The following NEK9 variants were observed in gnomAD, a reference collection of about 807,000 sequenced individuals.
NEK9 encodes NIMA related kinase 9, also known as serine/threonine-protein kinase Nek9.
A neutral mutation model predicts 123.4 loss-of-function variants in NEK9; 75 were observed. That is an observed-to-expected ratio of 0.61 (90% CI 0.50 to 0.74). The LOEUF (loss-of-function observed/expected upper bound fraction) is 0.74. NEK9 is among the 30% of genes least tolerant of loss of function. The pLI is 0.00. For synonymous variants in NEK9, 438 were observed against 458.7 expected (o/e 0.95, Z 0.58); for missense variants, 952 against 1,214.4 (o/e 0.78, Z 3.21).
chr14:75,088,442 T>TG (rs1894095241), intron 20 of NEK9, 38 bp downstream of exon 20: 3 of 1,602,140 alleles, frequency 1.9e-6, no homozygotes, highest in Non-Finnish European at 2.6e-6. Context: ...CAGTGACTGT[T>TG]TACCTAGTTG....
chr14:75,112,890 T>C (rs1895003080), intron 8 of NEK9, among the ~76,000 whole-genome samples: 1 of 152,204 alleles, frequency 6.6e-6, no homozygotes, highest in African/African-American at 2.4e-5. Flanking sequence ...AGGCACCCTA[T>C]GCCAGGCCCT....
rs1431370741 is a variant in NEK9 at position 75,088,700 on chromosome 14, T to C, written c.2443-59A>G. On this transcript the variant is annotated intron_variant, in intron 19 of 21. Transcript: ENST00000238616. ...TTGCAGTATTTGCTTCCTCCCAAAT[T>C]CCCTTCTTTTTGCTATAGTTTTCCC... The C allele has an allele frequency of 2.0e-6, 3 of 1,524,314 alleles. No homozygotes were observed. In the African/African-American group the frequency reaches 4.1e-5, roughly 21 times the overall value. 94.4% of individuals were successfully genotyped at this position (1,524,314 alleles called of 1,614,324 possible).
intron 16 of NEK9, among the ~76,000 whole-genome samples, chr14:75,099,493 A>G (rs1011642179): frequency 8.5e-5 from 13 of 152,236 alleles, no homozygotes; most frequent in African/African-American, 2.9e-4. Flanking sequence ...TACAGAAGAG[A>G]AGGAGTGACC....
At chr14:75,101,865 C>T in intron 14 of NEK9, 100 bp from the exon 15 acceptor site, 2 of 768,822 alleles carry the variant, frequency 2.6e-6, no homozygotes, top group Non-Finnish European at 4.5e-6. Context: ...AAAGGCCTTT[C>T]AAGTAAGTTA....
rs202025905 is a variant in NEK9 at position 75,101,064 on chromosome 14, C to G, written c.1930G>C (p.Gly644Arg). The G allele has an allele frequency of 9.4e-5, 151 of 1,614,138 alleles. 1 individual carries two copies. Among genetic ancestry groups the G allele is most frequent in the Non-Finnish European group, 1.2e-4 (137 of 1,180,052 alleles). The part of the protein sequence containing the change: ...YKKRLGINLL[G>R]GPLGGKQVIR... ...ACTTGCTTCCCACCAAGGGGTCCCC[C>G]CAACAGGTTGATTCCCAGACGCTTC... Residue 644 changes from glycine to arginine, a missense_variant, in exon 16 of 22, where the codon GGG becomes CGG. Transcript: ENST00000238616.
In NEK9 at chr14:75,124,298, C is replaced by T. The variant is rs574538851; in HGVS notation, c.220-75G>A. 12 of 1,416,130 alleles carry T rather than the reference C, an allele frequency of 8.5e-6. No homozygotes were observed. The African/African-American group carries it at 9.9e-5, about 12-fold the overall frequency. 87.7% of individuals were successfully genotyped at this position (1,416,130 alleles called of 1,614,324 possible). On this transcript the variant is annotated intron_variant, in intron 1 of 21. Transcript: ENST00000238616. ...ATGAATCCACACCTAGATCTGTAAG[C>T]CTAGAAGGAAAACTTCCTAGAGGGG...
In NEK9 at chr14:75,122,785, C is replaced by T. The variant is rs1471943251; in HGVS notation, c.397+1261G>A. Among the ~76,000 whole-genome samples the T allele has an allele frequency of 2.7e-5, 4 of 146,108 alleles. No homozygotes were observed. The South Asian group carries it at 8.7e-4, about 32-fold the overall frequency. On this transcript the variant is annotated intron_variant, in intron 2 of 21. Coordinates refer to ENST00000238616, the MANE Select transcript of NEK9 (RefSeq NM_033116.6). ...GGATTACAGGCGTGAGCCACCACGC[C>T]CAGCTTTTTTTTTTTTTTTTTTTTT...
In NEK9 at chr14:75,118,179, T is replaced by C. The variant is rs547998980; in HGVS notation, c.630+651A>G. On this transcript the variant is annotated intron_variant, in intron 5 of 21. Coordinates refer to ENST00000238616, the MANE Select transcript of NEK9 (RefSeq NM_033116.6). ...AGACTCCAAACCCTAAACATCTAAA[T>C]TGCTTGCAGGCAAACCTTGACATTA... Among the ~76,000 whole-genome samples the C allele has an allele frequency of 2.0e-5, 3 of 152,280 alleles. No individual in the cohort carries two copies. In the South Asian group the frequency reaches 6.2e-4, roughly 32 times the overall value.
At chr14:75,112,332 G>C (rs1894984096) in intron 8 of NEK9, among the ~76,000 whole-genome samples, 1 of 152,234 alleles carries the variant, frequency 6.6e-6, no homozygotes, top group Non-Finnish European at 1.5e-5. Flanking sequence ...GAAGATAAAT[G>C]TTTTAAATTA....
At chr14:75,125,723 C>T (rs1331341550) in intron 1 of NEK9, among the ~76,000 whole-genome samples, 3 of 152,198 alleles carry the variant, frequency 2.0e-5, no homozygotes, top group Non-Finnish European at 4.4e-5. Context: ...TAAAAATATT[C>T]TCTTGCAACC....
chr14:75,122,789 C>CA (rs1555354286), intron 2 of NEK9, among the ~76,000 whole-genome samples: 1 of 80,106 alleles, frequency 1.2e-5, no homozygotes, highest in Non-Finnish European at 2.3e-5. Flanking sequence ...CCACGCCCAG[C>CA]TTTTTTTTTT....
chr14:75,118,861 T>G lies in NEK9; in HGVS notation c.599A>C (p.Lys200Thr). The change falls in exon 5 of 22, where the codon AAA becomes ACA. Residue 200 changes from lysine (K) to threonine (T), a missense_variant. By Grantham distance (78) the Lys-to-Thr change is moderately conservative. Transcript: ENST00000238616. ...AGCCATGGAATACTCAGAATTAAGT[T>G]TCTTTGCTAGGCCATAATCTCCAAG... is the stretch of plus-strand genomic sequence containing the variant. ...IKLGDYGLAK[K>T]LNSEYSMAET... The G allele has an allele frequency of 1.2e-6, 2 of 1,610,042 alleles. No individual in the cohort carries two copies. The highest frequency in any genetic ancestry group is 8.5e-7 in the Non-Finnish European group (1 of 1,176,432).
intron 11 of NEK9, among the ~76,000 whole-genome samples, chr14:75,107,118 T>A (rs1325575011): frequency 6.6e-6 from 1 of 152,070 alleles, no homozygotes; most frequent in Middle Eastern, 3.2e-3. Flanking sequence ...ACACATTTTC[T>A]CCTGATCCCA....
At chr14:75,091,192 G>A (rs1019494760) in intron 19 of NEK9, 78 bp downstream of exon 19, 17 of 1,244,862 alleles carry the variant, frequency 1.4e-5, no homozygotes, top group Admixed American at 7.6e-5. Context: ...TTGGAAAACT[G>A]AGAGACCCTG....
rs887120880 is a variant in NEK9, at chr14:75,081,904, A to C, written c.*2660T>G. 2.6e-5 allele frequency: 4 copies of C among 152,158 alleles called. No individual in the cohort carries two copies. The highest frequency in any genetic ancestry group is 5.9e-5 in the Non-Finnish European group (4 of 68,024). 9.4% of individuals were successfully genotyped at this position (152,158 alleles called of 1,614,324 possible). On this transcript the variant is annotated 3_prime_UTR_variant, in exon 22 of 22. Coordinates refer to ENST00000238616, the MANE Select transcript of NEK9 (RefSeq NM_033116.6). This position sits in a 1 kb window ranked among gnomAD's most constrained non-coding sequence, Gnocchi z 4.2. The stretch of plus-strand genomic sequence containing the variant: ...GGCACTTTTAGACATTTTTGGGAAA[A>C]AAGCTGTAGCAGCAGCAATGATTCT...
chr14:75,087,498 T>C (rs1807032518), intron 20 of NEK9, among the ~76,000 whole-genome samples: 2 of 152,260 alleles, frequency 1.3e-5, no homozygotes, highest in South Asian at 2.1e-4. Flanking sequence ...TGTGAAAAAT[T>C]TTAAAGCACC....
At chr14:75,097,396 T>C (rs1894426113) in intron 16 of NEK9, 126 bp from the exon 17 acceptor site, 1 of 749,642 alleles carries the variant, frequency 1.3e-6, no homozygotes, top group South Asian at 3.2e-5. Flanking sequence ...GGAAAGCTGT[T>C]TATTCTCCTA....
chr14:75,084,131 C>T lies in NEK9; in HGVS notation c.*433G>A, dbSNP rs1263251443. 1 of 186,048 alleles carries T rather than the reference C, an allele frequency of 5.4e-6. No individual in the cohort carries two copies. Among genetic ancestry groups the T allele is most frequent in the Non-Finnish European group, 1.2e-5 (1 of 86,932 alleles). The allele number at this position is 186,048 out of a possible 1,614,324, so 11.5% of individuals were successfully genotyped here. On this transcript the variant is annotated 3_prime_UTR_variant, in exon 22 of 22. Coordinates refer to ENST00000238616, the MANE Select transcript of NEK9 (RefSeq NM_033116.6). ...CACACCTGATTCCAGCCCACTCCAA[C>T]TTTACACTTCTCCCTCTCCCACCCA...
intron 7 of NEK9, among the ~76,000 whole-genome samples, chr14:75,113,668 G>A (rs1473416308): frequency 6.6e-6 from 1 of 152,108 alleles, no homozygotes. Context: ...AATTACCTGA[G>A]GTGTTTGTTA....
Sources: gnomAD v4.1 joint callset for allele counts (sites outside exome capture counted in the v4.1 genomes callset) on GRCh38, gnomAD v4.1.1 for gene constraint, Gnocchi (gnomAD v3.1) non-coding constraint, MANE v1.5 for transcripts, NCBI Gene and HGNC (gene_info 2026-07-23, HGNC 2026-07-21) for gene names.